Variants in PACRG observed in about 807,000 individuals in gnomAD.
PACRG encodes parkin coregulated gene protein.
PACRG carries 29 observed loss-of-function variants against 29.7 expected under a neutral mutation model. The observed-to-expected ratio is 0.98, with a 90% CI of 0.73 to 1.33. PACRG has a LOEUF of 1.33. Among genes scored for constraint, PACRG ranks in the 40% most tolerant of loss-of-function variants. The pLI is 0.00. For synonymous variants in PACRG, 116 were observed against 118.7 expected (o/e 0.98, Z 0.15); for missense variants, 279 against 316.2 (o/e 0.88, Z 0.89).
intron 4 of PACRG, among the ~76,000 whole-genome samples, chr6:163,309,030 T>C (rs779972209): frequency 7.2e-5 from 6 of 83,790 alleles, no homozygotes; most frequent in African/African-American, 2.0e-4. Context: ...TCTGTCAGCA[T>C]TTTTTTTTTA....
intron 1 of PACRG, among the ~76,000 whole-genome samples, chr6:162,731,458 ATTG>A (rs1262992377): frequency 6.6e-6 from 1 of 152,082 alleles, no homozygotes; most frequent in Admixed American, 6.5e-5. Context: ...GAGCATTTAT[ATTG>A]TTTTAGATAT....
At chr6:163,005,791 A>C (rs28827813) in intron 2 of PACRG, among the ~76,000 whole-genome samples, 1 of 149,012 alleles carries the variant, frequency 6.7e-6, no homozygotes, top group Non-Finnish European at 1.5e-5. Flanking sequence ...GTAGTTATAC[A>C]TGTTATATAT....
chr6:162,743,970 T>A (rs1780793511), intron 1 of PACRG, among the ~76,000 whole-genome samples: 1 of 152,228 alleles, frequency 6.6e-6, no homozygotes, highest in African/African-American at 2.4e-5. Context: ...TAGAAATTAT[T>A]GTTCTTGTTA....
At chr6:163,113,740 C>T (rs1815834933) in intron 4 of PACRG, among the ~76,000 whole-genome samples, 2 of 152,086 alleles carry the variant, frequency 1.3e-5, no homozygotes, top group Non-Finnish European at 2.9e-5. Context: ...GCTACACCCA[C>T]CCTGCAGAAA....
At chr6:163,007,854 G>A (rs1454730570) in intron 2 of PACRG, among the ~76,000 whole-genome samples, 4 of 152,078 alleles carry the variant, frequency 2.6e-5, no homozygotes, top group African/African-American at 4.8e-5. Flanking sequence ...AGAACAGAGC[G>A]GCCTTCTCAC....
At chr6:162,770,988 A>G (rs1584299840) in intron 1 of PACRG, among the ~76,000 whole-genome samples, 1 of 152,278 alleles carries the variant, frequency 6.6e-6, no homozygotes, top group East Asian at 1.9e-4. Flanking sequence ...TCCCTACCAT[A>G]AAGGAGTTTA....
At chr6:162,814,303 C>G (rs1332568645) in intron 2 of PACRG, 22 bp downstream of exon 2, 1 of 1,610,798 alleles carries the variant, frequency 6.2e-7, no homozygotes. Context: ...CACAGCTGTG[C>G]CGGCCAGCTG....
rs80283967 is a variant in PACRG at position 162,862,399 on chromosome 6, C to T, written c.291+48118C>T. On this transcript the variant is annotated intron_variant, in intron 2 of 4. Transcript: ENST00000366888. ...GGGAGAGGGGAAGCGTCTTTGTTTA[C>T]CCCCTCAATACTTTATACAGCAGAA... Among the ~76,000 whole-genome samples, 971 of 152,250 alleles carry T rather than the reference C, an allele frequency of 6.4e-3. 11 individuals are homozygous for T. Among genetic ancestry groups the T allele is most frequent in the African/African-American group, 0.022 (894 of 41,538 alleles).
chr6:163,017,689 G>C (rs207467565), intron 2 of PACRG, among the ~76,000 whole-genome samples: 1 of 152,268 alleles, frequency 6.6e-6, no homozygotes, highest in Non-Finnish European at 1.5e-5. Flanking sequence ...GAGACAGACA[G>C]ACAGACGGAC....
chr6:163,077,322 T>G (rs1562892370), intron 3 of PACRG, among the ~76,000 whole-genome samples: 1 of 152,140 alleles, frequency 6.6e-6, no homozygotes, highest in African/African-American at 2.4e-5. Flanking sequence ...TATGGAAATA[T>G]CACTGCTTTA....
At chr6:163,211,033 CA>C (rs1781115278) in intron 4 of PACRG, among the ~76,000 whole-genome samples, 1 of 152,158 alleles carries the variant, frequency 6.6e-6, no homozygotes. Flanking sequence ...CCTTATTTGA[CA>C]ATACTAAATT....
At chr6:163,274,659 A>G (rs185216136) in intron 4 of PACRG, among the ~76,000 whole-genome samples, 1,695 of 152,194 alleles carry the variant, frequency 0.011, 31 homozygotes, top group African/African-American at 0.039. Context: ...CAGTGTAAAA[A>G]TGTTCCTATT....
chr6:162,985,725 G>T (rs1802831814), intron 2 of PACRG, among the ~76,000 whole-genome samples: 1 of 152,012 alleles, frequency 6.6e-6, no homozygotes, highest in South Asian at 2.1e-4. Flanking sequence ...ACAAGAAAAA[G>T]AAATCAAGGG....
At chr6:163,088,049 GA>G (rs920276376) in intron 3 of PACRG, among the ~76,000 whole-genome samples, 3 of 152,194 alleles carry the variant, frequency 2.0e-5, no homozygotes, top group Non-Finnish European at 4.4e-5. Context: ...GGAACATAGG[GA>G]AGAAAAAGAA....
chr6:162,801,084 C>T (rs1785817957), intron 1 of PACRG, among the ~76,000 whole-genome samples: 1 of 152,150 alleles, frequency 6.6e-6, no homozygotes, highest in South Asian at 2.1e-4. Flanking sequence ...AGCTGTAGTA[C>T]CAAACTGTGC....
intron 2 of PACRG, among the ~76,000 whole-genome samples, chr6:162,958,787 T>C (rs1800275590): frequency 6.8e-6 from 1 of 147,110 alleles, no homozygotes; most frequent in Non-Finnish European, 1.5e-5. Context: ...AATATACATA[T>C]ACACACACAT....
chr6:162,794,885 C>T (rs1057263440), intron 1 of PACRG, among the ~76,000 whole-genome samples: 1 of 151,826 alleles, frequency 6.6e-6, no homozygotes, highest in Non-Finnish European at 1.5e-5. Flanking sequence ...ATTACAGATG[C>T]ATTCTATGGT....
At chr6:163,223,183 C>G (rs1313549219) in intron 4 of PACRG, among the ~76,000 whole-genome samples, 2 of 152,110 alleles carry the variant, frequency 1.3e-5, no homozygotes, top group African/African-American at 4.8e-5. Context: ...CACCTGAGGT[C>G]AGGAGTTCAA....
intron 4 of PACRG, among the ~76,000 whole-genome samples, chr6:163,224,913 C>A (rs1313355134): frequency 6.6e-6 from 1 of 151,996 alleles, no homozygotes; most frequent in Non-Finnish European, 1.5e-5. Flanking sequence ...AAGAGATAAC[C>A]TACGGAATGG....
Sources: gnomAD v4.1 joint callset for allele counts (sites outside exome capture counted in the v4.1 genomes callset) on GRCh38, gnomAD v4.1.1 for gene constraint, MANE v1.5 for transcripts, NCBI Gene and HGNC (gene_info 2026-07-23, HGNC 2026-07-21) for gene names.